Variants in SHF observed in about 807,000 individuals in gnomAD.
SHF encodes the protein Src homology 2 domain containing F, also known as SH2 domain-containing adapter protein F.
In SHF, 30 loss-of-function variants were observed where a neutral mutation model predicts 42.4. The observed-to-expected ratio is 0.71, with a 90% CI of 0.53 to 0.96. The LOEUF is 0.96. Ranked by LOEUF, SHF falls within the 40% of genes least tolerant of loss-of-function variation. The pLI, the probability that SHF is intolerant of heterozygous loss-of-function variation, is 0.00. For synonymous variants in SHF, 264 were observed against 269.9 expected (o/e 0.98, Z 0.21); for missense variants, 598 against 634.0 (o/e 0.94, Z 0.61).
intron 1 of SHF, among the ~76,000 whole-genome samples, chr15:45,179,066 G>T (rs908847412): frequency 6.6e-6 from 1 of 152,250 alleles, no homozygotes; most frequent in Admixed American, 6.5e-5. Flanking sequence ...GATTAGCATG[G>T]TCCATGCCTA....
Position 45,187,677 on chromosome 15 carries a change from TC to T in SHF, c.274del (p.Asp92ThrfsTer76). 8.2e-7 allele frequency: 1 copy of T among 1,214,836 alleles called. No homozygotes were observed. Among genetic ancestry groups the T allele is most frequent in the Non-Finnish European group, 1.0e-6 (1 of 976,166 alleles). 75.3% of individuals were successfully genotyped at this position (1,214,836 alleles called of 1,614,324 possible). On this transcript the variant is annotated frameshift_variant, in exon 1 of 7. Transcript: ENST00000690270. LOFTEE classifies it high-confidence loss of function. ...SPAAPPAPPP[D>X]ILAAYRLQRE... ...CTGCAGCCTGTAGGCGGCCAGGATG[TC>T]CGGGGGCGGCGCGGGGGGCGCGGCC...
At chr15:45,176,782 A>T (rs1274540864) in intron 2 of SHF, among the ~76,000 whole-genome samples, 1 of 152,218 alleles carries the variant, frequency 6.6e-6, no homozygotes, top group African/African-American at 2.4e-5. Flanking sequence ...ATGTGCTCCC[A>T]TATTTTCACA....
At chr15:45,176,539 G>T (rs1190233162) in intron 2 of SHF, among the ~76,000 whole-genome samples, 2 of 151,866 alleles carry the variant, frequency 1.3e-5, no homozygotes, top group African/African-American at 4.8e-5. Context: ...TCTTTCCCAA[G>T]ACTAGGTCTT....
At chr15:45,173,552 G>GGACCAGAA (rs1897634767) in intron 4 of SHF, 24 bp downstream of exon 4, 1 of 1,475,926 alleles carries the variant, frequency 6.8e-7, no homozygotes, top group African/African-American at 1.4e-5. Context: ...ATGTCACCCT[G>GGACCAGAA]GCCAGAAGCC....
At chr15:45,191,274 C>G (rs1319656670), upstream of SHF, among the ~76,000 whole-genome samples, 1 of 152,198 alleles carries the variant, frequency 6.6e-6, no homozygotes, top group African/African-American at 2.4e-5. Flanking sequence ...TCTTGAACTC[C>G]TGGCCTCAAG....
chr15:45,177,375 G>A (rs1385912296), intron 2 of SHF, among the ~76,000 whole-genome samples: 1 of 152,140 alleles, frequency 6.6e-6, no homozygotes, highest in Non-Finnish European at 1.5e-5. Context: ...TGACACATAA[G>A]CCCATTGCAG....
At chr15:45,174,526 G>C (rs1018290308) in intron 3 of SHF, 1 of 152,558 alleles carries the variant, frequency 6.6e-6, no homozygotes, top group African/African-American at 2.4e-5. Flanking sequence ...AGGGGCATAT[G>C]CAGGCAGGAG....
chr15:45,190,060 A>T (rs147790687), upstream of SHF, among the ~76,000 whole-genome samples: 1 of 152,170 alleles, frequency 6.6e-6, no homozygotes, highest in South Asian at 2.1e-4. Context: ...TGTGGACACT[A>T]ATCTCCTGGG....
chr15:45,178,048 A>G lies in SHF; in HGVS notation c.640+117T>C, dbSNP rs1348304038. ...GACCATCCTCCCTAAGGACCTGGAA[A>G]AGACTTTCTCCATATTTTCCAGGGA... On this transcript the variant is annotated intron_variant, in intron 2 of 6. Coordinates refer to ENST00000690270, the MANE Select transcript of SHF (RefSeq NM_001394037.1). 2.1e-6 allele frequency: 3 copies of G among 1,395,938 alleles called. No homozygotes were observed. In the African/African-American group the frequency reaches 4.3e-5, roughly 20 times the overall value. The allele number at this position is 1,395,938 out of a possible 1,614,324, so 86.5% of individuals were successfully genotyped here.
rs2141424574 is a variant in SHF at position 45,187,732 on chromosome 15, G to A, written c.220C>T (p.Pro74Ser). 2 of 993,132 alleles carry A rather than the reference G, an allele frequency of 2.0e-6. No homozygotes were observed. Among genetic ancestry groups the A allele is most frequent in the South Asian group, 5.0e-5 (1 of 19,966 alleles). The allele number at this position is 993,132 out of a possible 1,614,324, so 61.5% of individuals were successfully genotyped here. Reference sequence around the variant, plus strand: ...GAGGGCGCAGGGGGGCGGTAGTCGGGCTCGGGGGGCGCCGGCTTGCTGCCC... The same window carrying A: ...GAGGGCGCAGGGGGGCGGTAGTCGGACTCGGGGGGCGCCGGCTTGCTGCCC... ...GGGSKPAPPE[P>S]DYRPPAPSPA... Residue 74 changes from proline to serine, a missense_variant, in exon 1 of 7, where the codon CCC becomes TCC. Pro to Ser is a moderately conservative substitution (Grantham distance 74). Transcript: ENST00000690270.
upstream of SHF, among the ~76,000 whole-genome samples, chr15:45,191,157 T>A (rs768655812): frequency 6.6e-6 from 1 of 152,202 alleles, no homozygotes; most frequent in Non-Finnish European, 1.5e-5. Flanking sequence ...CTTGAACTTC[T>A]GGGCTCAAAC....
At chr15:45,188,143 C>T (rs1595640920), upstream of SHF, among the ~76,000 whole-genome samples, 1 of 152,200 alleles carries the variant, frequency 6.6e-6, no homozygotes. Flanking sequence ...GGCTTCCAGC[C>T]GGTATGCACA....
intron 4 of SHF, among the ~76,000 whole-genome samples, chr15:45,173,139 T>C (rs1166052822): frequency 6.6e-6 from 1 of 152,246 alleles, no homozygotes; most frequent in Non-Finnish European, 1.5e-5. Flanking sequence ...AGTGCGTTCT[T>C]TCTCCTCATT....
intron 1 of SHF, among the ~76,000 whole-genome samples, chr15:45,185,340 C>T (rs1472755245): frequency 3.3e-5 from 5 of 152,250 alleles, no homozygotes; most frequent in Non-Finnish European, 5.9e-5. Context: ...CGCCAGCTCA[C>T]ATCCAGGAGC....
At chr15:45,198,974 G>A (rs1207684188) in exon 2 of SHF, 3 of 1,613,428 alleles carry the variant, frequency 1.9e-6, no homozygotes, top group South Asian at 2.2e-5. Context: ...ACTACCCTTG[G>A]GGGATGCCCG....
chr15:45,187,987 C>T, upstream of SHF: 1 of 683,964 alleles, frequency 1.5e-6, no homozygotes, highest in Non-Finnish European at 1.7e-6. Flanking sequence ...AGCGCAGCGG[C>T]GGGTGGGGGG....
chr15:45,189,369 A>T (rs1225334781), upstream of SHF, among the ~76,000 whole-genome samples: 1 of 85,414 alleles, frequency 1.2e-5, no homozygotes, highest in African/African-American at 4.7e-5. Flanking sequence ...GTGTCTCCGC[A>T]CTCCTAGGTT....
At chr15:45,172,392 C>T in intron 4 of SHF, 74 bp from the exon 5 acceptor site, 1 of 1,411,016 alleles carries the variant, frequency 7.1e-7, no homozygotes, top group Non-Finnish European at 9.4e-7. Context: ...ATAGCCAGTG[C>T]CCAACCCCTA....
At chr15:45,189,020 G>C (rs1898618904), upstream of SHF, among the ~76,000 whole-genome samples, 1 of 151,870 alleles carries the variant, frequency 6.6e-6, no homozygotes, top group African/African-American at 2.4e-5. Flanking sequence ...GTGAAACCCC[G>C]TCTCTACCAA....
Sources: gnomAD v4.1 joint callset for allele counts (sites outside exome capture counted in the v4.1 genomes callset) on GRCh38, gnomAD v4.1.1 for gene constraint, MANE v1.5 for transcripts, NCBI Gene and HGNC (gene_info 2026-07-23, HGNC 2026-07-21) for gene names.